TENM1: variants seen among roughly 807,000 people sequenced by gnomAD.
TENM1 encodes the protein teneurin-1.
A neutral mutation model predicts 174.8 loss-of-function variants in TENM1; 35 were observed. That is an observed-to-expected ratio of 0.20 (90% CI 0.15 to 0.27). TENM1 has a LOEUF of 0.27. Ranked by LOEUF, TENM1 falls within the 10% of genes least tolerant of loss-of-function variation. The pLI is 1.00. For missense variants in TENM1, 1,633 were observed against 2,130.1 expected (o/e 0.77, Z 4.59); for synonymous variants, 781 against 798.7 (o/e 0.98, Z 0.37).
At chrX:124,712,363 T>G (rs771997284) in intron 4 of TENM1, among the ~76,000 whole-genome samples, 1 of 111,022 alleles carries the variant, frequency 9.0e-6, no homozygotes, top group Non-Finnish European at 1.9e-5. Flanking sequence ...GTAATTTTCC[T>G]TCTTCTTTTT....
intron 1 of TENM1, among the ~76,000 whole-genome samples, chrX:124,946,927 G>GAAAAA (rs377225365): frequency 5.1e-5 from 4 of 78,096 alleles, no homozygotes; most frequent in African/African-American, 1.7e-4. Flanking sequence ...CTGTAAAACT[G>GAAAAA]AAAAAAAAAA....
intron 1 of TENM1, among the ~76,000 whole-genome samples, chrX:124,927,580 T>C (rs1302692119): frequency 3.6e-5 from 4 of 111,861 alleles, no homozygotes; most frequent in Non-Finnish European, 1.9e-5. Flanking sequence ...AGGGACTATA[T>C]GAGGGGGGAA....
chrX:125,103,547 C>G, the TENM1 span, among the ~76,000 whole-genome samples: 1 of 111,328 alleles, frequency 9.0e-6, no homozygotes, highest in East Asian at 2.8e-4. Context: ...CTAATCAAAG[C>G]GCCAGAAATA....
intron 3 of TENM1, among the ~76,000 whole-genome samples, chrX:124,801,428 CTTTCCA>C (rs1386388045): frequency 1.8e-5 from 2 of 111,144 alleles, no homozygotes; most frequent in African/African-American, 6.5e-5. Context: ...CTCTTTTTTG[CTTTCCA>C]TTTCCAAATC....
chrX:124,921,327 T>G (rs1362693131), intron 1 of TENM1, among the ~76,000 whole-genome samples: 1 of 110,596 alleles, frequency 9.0e-6, no homozygotes, highest in African/African-American at 3.3e-5. Context: ...AGTGAAGGTC[T>G]TTCCATACCT....
the TENM1 span, among the ~76,000 whole-genome samples, chrX:125,079,077 C>T: frequency 8.8e-4 from 99 of 111,958 alleles, no homozygotes; most frequent in Non-Finnish European, 1.5e-3. Flanking sequence ...CTTTGAAATA[C>T]CTCACAATAC....
the TENM1 span, among the ~76,000 whole-genome samples, chrX:124,970,972 T>A: frequency 9.1e-6 from 1 of 109,485 alleles, no homozygotes; most frequent in South Asian, 4.1e-4. Flanking sequence ...AAGGATGAGT[T>A]CATGTCCTTT....
chrX:124,417,177 G>C (rs1401150496), intron 25 of TENM1, among the ~76,000 whole-genome samples: 1 of 111,220 alleles, frequency 9.0e-6, no homozygotes, highest in Admixed American at 9.5e-5. Context: ...AGTGTCTTTT[G>C]CTGGTTCCTC....
chrX:124,850,320 T>A (rs1354865258), intron 3 of TENM1, among the ~76,000 whole-genome samples: 1 of 111,734 alleles, frequency 8.9e-6, no homozygotes, highest in Non-Finnish European at 1.9e-5. Context: ...TGTGGCTCAT[T>A]ATCACACAGC....
intron 3 of TENM1, among the ~76,000 whole-genome samples, chrX:124,742,749 T>G (rs965730963): frequency 1.3e-4 from 14 of 110,545 alleles, no homozygotes; most frequent in African/African-American, 4.6e-4. Context: ...GTATTAGTAT[T>G]TAACCACCTT....
chrX:124,386,800 G>A (rs1210407917), intron 28 of TENM1, among the ~76,000 whole-genome samples: 1 of 109,228 alleles, frequency 9.2e-6, no homozygotes, highest in Non-Finnish European at 1.9e-5. Flanking sequence ...CTGCAGCCTC[G>A]AACTCCTGAG....
the TENM1 span, among the ~76,000 whole-genome samples, chrX:125,193,989 G>T: frequency 9.1e-6 from 1 of 110,287 alleles, no homozygotes; most frequent in Admixed American, 9.7e-5. Flanking sequence ...TCACTATGTT[G>T]CCCAAGCTTG....
the TENM1 span, among the ~76,000 whole-genome samples, chrX:125,193,977 TCTCA>T: frequency 1.8e-5 from 2 of 109,848 alleles, no homozygotes; most frequent in South Asian, 7.9e-4. Flanking sequence ...AGAGATGGGG[TCTCA>T]CTATGTTGCC....
At chrX:124,476,022 G>C (rs918818617) in intron 22 of TENM1, among the ~76,000 whole-genome samples, 1 of 111,320 alleles carries the variant, frequency 9.0e-6, no homozygotes, top group African/African-American at 3.3e-5. Context: ...TAATTTTGTT[G>C]AGGGCTGTCC....
At chrX:124,968,601 T>A, upstream of TENM1, among the ~76,000 whole-genome samples, 2 of 112,145 alleles carry the variant, frequency 1.8e-5, 1 homozygote. Flanking sequence ...TCAAGGTTAT[T>A]GAGTGCCCTT....
exon 32 of TENM1, chrX:124,381,261 G>C: frequency 1.7e-6 from 2 of 1,200,366 alleles, no homozygotes; most frequent in Non-Finnish European, 2.2e-6. Context: ...TTCCTGAGCT[G>C]TTTCTGGAGT....
chrX:124,695,219 T>C (rs2052621086), intron 5 of TENM1, among the ~76,000 whole-genome samples: 1 of 111,201 alleles, frequency 9.0e-6, no homozygotes, highest in Non-Finnish European at 1.9e-5. Flanking sequence ...ATGGTTCTCA[T>C]ACTATTTTTG....
intron 3 of TENM1, 44 bp from the exon 7 acceptor site, chrX:124,737,241 C>T: frequency 8.9e-7 from 1 of 1,118,874 alleles, no homozygotes; most frequent in Non-Finnish European, 1.2e-6. Flanking sequence ...ACTTACTCTC[C>T]CACTTGGCAG....
rs191237422 is a variant in TENM1, at chrX:124,487,340, G to A, written c.3696-111C>T. 46 of 679,360 alleles carry A rather than the reference G, an allele frequency of 6.8e-5. No homozygotes were observed. In the Admixed American group the frequency reaches 7.4e-4, roughly 11 times the overall value. The allele number at this position is 679,360 out of a possible 1,213,427, so 56.0% of individuals were successfully genotyped here. A position where few individuals can be genotyped will look rare whatever the true frequency, so the allele number is the denominator to read the frequency against. On this transcript the variant is annotated intron_variant, in intron 20 of 31. Coordinates refer to ENST00000422452, the Ensembl canonical transcript of TENM1. ...CACACCAATTCCTAACTCAGATTGC[G>A]GCATTTAGAGAGACTCTATGGGGAT...
Sources: allele counts gnomAD v4.1 joint callset (sites outside exome capture counted in the v4.1 genomes callset), GRCh38; gene constraint gnomAD v4.1.1; transcripts MANE v1.5; gene names NCBI Gene and HGNC (gene_info 2026-07-23, HGNC 2026-07-21).